OPCML: variants seen among roughly 807,000 people sequenced by gnomAD.
OPCML encodes the protein opioid-binding protein/cell adhesion molecule.
OPCML carries 13 observed loss-of-function variants against 37.8 expected under a neutral mutation model. That is an observed-to-expected ratio of 0.34 (90% CI 0.22 to 0.55). OPCML has a LOEUF of 0.55. Among genes scored for constraint, OPCML ranks in the 20% least tolerant of loss-of-function variants. OPCML has a pLI of 0.91. For missense variants in OPCML, 341 were observed against 435.6 expected (o/e 0.78, Z 1.93); for synonymous variants, 176 against 168.8 (o/e 1.04, Z -0.33).
intron 1 of OPCML, among the ~76,000 whole-genome samples, chr11:133,483,988 G>T (rs1280000191): frequency 6.6e-6 from 1 of 151,076 alleles, no homozygotes; most frequent in East Asian, 2.0e-4. Flanking sequence ...TAGAAAGATA[G>T]CTAGCTAGCT....
At chr11:132,755,212 C>G (rs2136080099) in intron 2 of OPCML, among the ~76,000 whole-genome samples, 1 of 152,218 alleles carries the variant, frequency 6.6e-6, no homozygotes, top group South Asian at 2.1e-4. Flanking sequence ...TAATATTTTG[C>G]CATATTTGCT....
At chr11:132,838,069 A>G (rs1941119366) in intron 2 of OPCML, among the ~76,000 whole-genome samples, 1 of 152,176 alleles carries the variant, frequency 6.6e-6, no homozygotes, top group Admixed American at 6.5e-5. Flanking sequence ...TAATTTGTAT[A>G]CATGCTGAGA....
intron 4 of OPCML, among the ~76,000 whole-genome samples, chr11:132,476,489 A>G (rs2096156236): frequency 6.6e-6 from 1 of 152,166 alleles, no homozygotes; most frequent in Non-Finnish European, 1.5e-5. Flanking sequence ...GCACATATAT[A>G]CCATGGAATA....
chr11:132,874,914 T>C lies in OPCML; in HGVS notation c.146+68012A>G, dbSNP rs138057611. On this transcript the variant is annotated intron_variant, in intron 2 of 7. Coordinates refer to ENST00000524381, the MANE Select transcript of OPCML (RefSeq NM_001012393.5). ...CTAAAAAGGCCTTTATTCATCCATA[T>C]GTTTCTAACCTCAGCTCCTCACCAC... is the stretch of plus-strand genomic sequence containing the variant. 2.6e-5 allele frequency among the ~76,000 whole-genome samples: 4 copies of C among 152,314 alleles called. No homozygotes were observed. The East Asian group carries it at 7.7e-4, about 29-fold the overall frequency.
chr11:133,511,466 C>G (rs1480370718), intron 1 of OPCML, among the ~76,000 whole-genome samples: 1 of 152,136 alleles, frequency 6.6e-6, no homozygotes, highest in Admixed American at 6.6e-5. Context: ...CACTTGCTTA[C>G]TCTGCTTGAG....
chr11:132,905,960 C>G (rs560933458), intron 2 of OPCML, among the ~76,000 whole-genome samples: 1 of 152,304 alleles, frequency 6.6e-6, no homozygotes, highest in South Asian at 2.1e-4. Context: ...AGTCTTCAAC[C>G]ACTCCTCAAA....
At chr11:133,014,302 T>C (rs1229770766) in intron 1 of OPCML, among the ~76,000 whole-genome samples, 2 of 152,072 alleles carry the variant, frequency 1.3e-5, no homozygotes, top group African/African-American at 4.8e-5. Flanking sequence ...GAAATGCACA[T>C]GTTGTTAAGC....
intron 2 of OPCML, among the ~76,000 whole-genome samples, chr11:132,796,772 G>A (rs1420899519): frequency 6.6e-6 from 1 of 151,806 alleles, no homozygotes; most frequent in Non-Finnish European, 1.5e-5. Context: ...TAGAGACGGG[G>A]TTTCACTGTA....
intron 1 of OPCML, among the ~76,000 whole-genome samples, chr11:132,996,455 A>G (rs1255877952): frequency 1.2e-5 from 1 of 83,850 alleles, no homozygotes; most frequent in East Asian, 3.5e-4. Flanking sequence ...CATCTCTACT[A>G]AAAAAAAAAA....
At chr11:132,622,880 A>G (rs931221212) in intron 3 of OPCML, among the ~76,000 whole-genome samples, 2 of 152,080 alleles carry the variant, frequency 1.3e-5, no homozygotes, top group Non-Finnish European at 2.9e-5. Flanking sequence ...GGAATCAGAA[A>G]CCTGGGTTTG....
intron 2 of OPCML, among the ~76,000 whole-genome samples, chr11:132,798,783 T>C (rs1428549705): frequency 2.0e-5 from 3 of 152,236 alleles, no homozygotes; most frequent in Non-Finnish European, 2.9e-5. Flanking sequence ...TCTCTATCTA[T>C]GGCAGCAGAA....
At chr11:133,274,692 C>T (rs1257963785) in intron 1 of OPCML, among the ~76,000 whole-genome samples, 6 of 152,190 alleles carry the variant, frequency 3.9e-5, no homozygotes, top group Admixed American at 3.3e-4. Flanking sequence ...GTGACTGCCC[C>T]AACTTCCAGG....
intron 2 of OPCML, among the ~76,000 whole-genome samples, chr11:132,736,964 T>A (rs769123499): frequency 2.6e-5 from 4 of 152,334 alleles, no homozygotes; most frequent in Non-Finnish European, 4.4e-5. Flanking sequence ...AATTCCCTGA[T>A]GATGAAATGT....
intron 1 of OPCML, among the ~76,000 whole-genome samples, chr11:133,306,339 A>G (rs926465252): frequency 3.9e-5 from 6 of 152,212 alleles, no homozygotes; most frequent in African/African-American, 7.2e-5. Context: ...AATGAGACAG[A>G]AGCAATGCAA....
At chr11:132,910,968 T>C (rs1467086500) in intron 2 of OPCML, among the ~76,000 whole-genome samples, 1 of 152,214 alleles carries the variant, frequency 6.6e-6, no homozygotes, top group African/African-American at 2.4e-5. Flanking sequence ...AAAAGAATGA[T>C]GGAGATCATT....
intron 4 of OPCML, among the ~76,000 whole-genome samples, chr11:132,517,194 G>A (rs1469844926): frequency 6.6e-6 from 1 of 152,124 alleles, no homozygotes; most frequent in Non-Finnish European, 1.5e-5. Flanking sequence ...AGCTACTTTG[G>A]CTCTAAGTGA....
chr11:132,809,832 GTTTA>G (rs981542262), intron 2 of OPCML, among the ~76,000 whole-genome samples: 1 of 151,634 alleles, frequency 6.6e-6, no homozygotes, highest in African/African-American at 2.4e-5. Flanking sequence ...TCTTCTTCTT[GTTTA>G]TTTATGTACT....
intron 3 of OPCML, among the ~76,000 whole-genome samples, chr11:132,621,021 A>G (rs1458087307): frequency 6.6e-6 from 1 of 152,254 alleles, no homozygotes; most frequent in African/African-American, 2.4e-5. Flanking sequence ...CAAGGAAGCC[A>G]ACAGAATCTG....
At chr11:132,501,703 T>A (rs1299475830) in intron 4 of OPCML, among the ~76,000 whole-genome samples, 2 of 152,208 alleles carry the variant, frequency 1.3e-5, no homozygotes, top group Non-Finnish European at 2.9e-5. Context: ...CAAGGGCTGA[T>A]TTTCTCCATC....
Sources: gnomAD v4.1 joint callset for allele counts (sites outside exome capture counted in the v4.1 genomes callset) on GRCh38, gnomAD v4.1.1 for gene constraint, MANE v1.5 for transcripts, NCBI Gene and HGNC (gene_info 2026-07-23, HGNC 2026-07-21) for gene names.